SLC41A2: variants seen among roughly 807,000 people sequenced by gnomAD.
The protein encoded by SLC41A2 is solute carrier family 41 member 2.
SLC41A2 carries 32 observed loss-of-function variants against 58.3 expected under a neutral mutation model. The observed-to-expected ratio is 0.55, with a 90% CI of 0.41 to 0.74. The LOEUF (loss-of-function observed/expected upper bound fraction) is 0.74, where lower values mean the gene tolerates loss of function less well. Among genes scored for constraint, SLC41A2 ranks in the 30% least tolerant of loss-of-function variants. The pLI, the probability that SLC41A2 is intolerant of heterozygous loss-of-function variation, is 0.00. For missense variants in SLC41A2, 514 were observed against 680.6 expected (o/e 0.76, Z 2.72); for synonymous variants, 190 against 235.0 (o/e 0.81, Z 1.75).
intron 10 of SLC41A2, among the ~76,000 whole-genome samples, chr12:104,819,128 G>A (rs1003653910): frequency 2.0e-5 from 3 of 151,478 alleles, no homozygotes; most frequent in African/African-American, 7.3e-5. Context: ...CCACATACTA[G>A]GCAATAAGAA....
chr12:104,903,349 T>A (rs889060900), intron 3 of SLC41A2, among the ~76,000 whole-genome samples: 1 of 152,224 alleles, frequency 6.6e-6, no homozygotes, highest in Non-Finnish European at 1.5e-5. Flanking sequence ...GGCAAATCCG[T>A]ACATAATCTG....
At chr12:104,906,749 G>GCATT (rs2045871437) in intron 3 of SLC41A2, among the ~76,000 whole-genome samples, 1 of 152,032 alleles carries the variant, frequency 6.6e-6, no homozygotes, top group Non-Finnish European at 1.5e-5. Context: ...AACGACGAAC[G>GCATT]CATTTAACAT....
chr12:104,918,709 T>A (rs1416876806), intron 2 of SLC41A2, among the ~76,000 whole-genome samples: 1 of 151,234 alleles, frequency 6.6e-6, no homozygotes, highest in African/African-American at 2.4e-5. Context: ...GAGGACAGAC[T>A]TTTTTCTCCA....
chr12:104,860,721 G>T (rs757075299), intron 8 of SLC41A2, among the ~76,000 whole-genome samples: 3 of 151,928 alleles, frequency 2.0e-5, no homozygotes, highest in Non-Finnish European at 2.9e-5. Flanking sequence ...GGGACTACAG[G>T]TGTGTGCCAC....
At chr12:104,946,303 T>C (rs2047716553) in intron 1 of SLC41A2, among the ~76,000 whole-genome samples, 1 of 152,296 alleles carries the variant, frequency 6.6e-6, no homozygotes, top group South Asian at 2.1e-4. Flanking sequence ...CTCACTCTAT[T>C]GCCCAGGAGG....
chr12:104,819,755 G>T (rs1336527669), intron 10 of SLC41A2, among the ~76,000 whole-genome samples: 1 of 152,184 alleles, frequency 6.6e-6, no homozygotes, highest in Non-Finnish European at 1.5e-5. Context: ...TCCAGCTAGA[G>T]ATTAGGTTAC....
intron 8 of SLC41A2, among the ~76,000 whole-genome samples, chr12:104,848,055 C>G (rs1289884494): frequency 1.3e-5 from 2 of 152,124 alleles, no homozygotes; most frequent in Non-Finnish European, 2.9e-5. Flanking sequence ...CACACATGCA[C>G]TCATGGAACA....
chr12:104,845,031 C>G lies in SLC41A2; in HGVS notation c.1388-411G>C, dbSNP rs1218697848. Among the ~76,000 whole-genome samples, 11 of 152,206 alleles carry G rather than the reference C, an allele frequency of 7.2e-5. No individual in the cohort carries two copies. The South Asian group carries it at 1.2e-3, about 17-fold the overall frequency. ...ACGCACAGTGGCTCACACCTGTAAT[C>G]CCAGAGCTTTAGGAGGCCAAGGTGG... On this transcript the variant is annotated intron_variant, in intron 9 of 10. Coordinates refer to ENST00000258538, the MANE Select transcript of SLC41A2 (RefSeq NM_001352171.3).
chr12:104,874,533 GT>G (rs2043956291), intron 6 of SLC41A2, among the ~76,000 whole-genome samples: 1 of 152,156 alleles, frequency 6.6e-6, no homozygotes, highest in South Asian at 2.1e-4. Flanking sequence ...CTATCTTTGT[GT>G]ATGTGTAAGA....
intron 10 of SLC41A2, among the ~76,000 whole-genome samples, chr12:104,817,003 C>G (rs537017591): frequency 6.6e-6 from 1 of 152,296 alleles, no homozygotes; most frequent in African/African-American, 2.4e-5. Context: ...CATCGTTAGG[C>G]AATTTCATCA....
At chr12:104,918,201 C>T (rs1477501681) in intron 2 of SLC41A2, among the ~76,000 whole-genome samples, 1 of 151,902 alleles carries the variant, frequency 6.6e-6, no homozygotes, top group Non-Finnish European at 1.5e-5. Flanking sequence ...CTTGTGAAAA[C>T]GTAAATGTTT....
chr12:104,809,831 T>G (rs2041093571), intron 10 of SLC41A2, among the ~76,000 whole-genome samples: 1 of 152,038 alleles, frequency 6.6e-6, no homozygotes, highest in Non-Finnish European at 1.5e-5. Context: ...ACTAAAAGCA[T>G]AGTGCACAGA....
intron 1 of SLC41A2, among the ~76,000 whole-genome samples, chr12:104,955,677 T>C (rs1211768685): frequency 6.6e-6 from 1 of 152,240 alleles, no homozygotes; most frequent in African/African-American, 2.4e-5. Context: ...GAATAATCTT[T>C]TTCTTTAACA....
At chr12:104,949,455 A>G (rs1371044405) in intron 1 of SLC41A2, among the ~76,000 whole-genome samples, 1 of 152,260 alleles carries the variant, frequency 6.6e-6, no homozygotes, top group Non-Finnish European at 1.5e-5. Flanking sequence ...ACAGATTTAC[A>G]TAAAGATCAT....
chr12:104,886,965 A>G (rs1031784960), intron 5 of SLC41A2, among the ~76,000 whole-genome samples: 4 of 152,068 alleles, frequency 2.6e-5, no homozygotes, highest in African/African-American at 9.6e-5. Context: ...AAAACACTGA[A>G]GGCCAGAATA....
At chr12:104,834,024 C>T (rs2042127094) in intron 10 of SLC41A2, 79 of 985,184 alleles carry the variant, frequency 8.0e-5, no homozygotes, top group Non-Finnish European at 9.0e-5. Context: ...GGTTGAGCTT[C>T]CCTGGTTCTA....
At position 104,909,940 on chromosome 12, in the gene SLC41A2, T is replaced by G. The variant is rs187205915; in HGVS notation, c.556-178A>C. Among the ~76,000 whole-genome samples, 20 of 152,306 alleles carry G rather than the reference T, an allele frequency of 1.3e-4. No individual in the cohort carries two copies. The East Asian group carries it at 3.3e-3, about 25-fold the overall frequency. On this transcript the variant is annotated intron_variant, in intron 2 of 10. Coordinates refer to ENST00000258538, the MANE Select transcript of SLC41A2 (RefSeq NM_001352171.3). ...ACTCCATTCTCCTGAGCTCTGAAGC[T>G]CTGAGTCACTTTAAAAGATGCTGTT...
rs894092961 is a variant in SLC41A2, at chr12:104,844,469, T to C, written c.1536+3A>G. 2 of 1,452,178 alleles carry C rather than the reference T, an allele frequency of 1.4e-6. No homozygotes were observed. The highest frequency in any genetic ancestry group is 1.5e-5 in the African/African-American group (1 of 68,796). 90.0% of individuals were successfully genotyped at this position (1,452,178 alleles called of 1,614,324 possible). A position where few individuals can be genotyped will look rare whatever the true frequency, so the allele number is the denominator to read the frequency against. On this transcript the variant is annotated splice_donor_region_variant and intron_variant, in intron 10 of 10. Transcript: ENST00000258538. Reference sequence around the variant, plus strand: ...AGAGATTTCAAGAAGTTTTAACTCTTACCTGTAACACAGCGCCAAATAAAT... The same window carrying C: ...AGAGATTTCAAGAAGTTTTAACTCTCACCTGTAACACAGCGCCAAATAAAT...
chr12:104,873,133 G>A (rs1217334959), intron 6 of SLC41A2, among the ~76,000 whole-genome samples: 1 of 151,832 alleles, frequency 6.6e-6, no homozygotes, highest in Non-Finnish European at 1.5e-5. Context: ...CTACATAACT[G>A]CAACTTTGTA....
Sources: gnomAD v4.1 joint callset for allele counts (sites outside exome capture counted in the v4.1 genomes callset) on GRCh38, gnomAD v4.1.1 for gene constraint, MANE v1.5 for transcripts, NCBI Gene and HGNC (gene_info 2026-07-23, HGNC 2026-07-21) for gene names.